KCNQ5: variants seen among roughly 807,000 people sequenced by gnomAD.
KCNQ5 encodes the protein potassium voltage-gated channel subfamily Q member 5.
KCNQ5 carries 30 observed loss-of-function variants against 98.2 expected under a neutral mutation model. That is an observed-to-expected ratio of 0.31 (90% CI 0.23 to 0.41). The LOEUF is 0.41. Among genes scored for constraint, KCNQ5 ranks in the 10% least tolerant of loss-of-function variants. The pLI is 1.00. For synonymous variants in KCNQ5, 458 were observed against 449.4 expected, an observed-to-expected ratio of 1.02 and a Z score of -0.24; for missense variants, 835 against 1,182.5, an observed-to-expected ratio of 0.71 and a Z score of 4.31.
intron 1 of KCNQ5, among the ~76,000 whole-genome samples, chr6:72,852,117 G>C (rs1777286963): frequency 6.6e-6 from 1 of 151,930 alleles, no homozygotes. Flanking sequence ...GAACTCTTTA[G>C]CAATATTAAA....
chr6:72,627,712 A>G (rs1461163893), intron 1 of KCNQ5, among the ~76,000 whole-genome samples: 1 of 152,114 alleles, frequency 6.6e-6, no homozygotes, highest in Non-Finnish European at 1.5e-5. Context: ...GGCATAGACT[A>G]CTATATAGCT....
intron 3 of KCNQ5, among the ~76,000 whole-genome samples, chr6:73,064,267 A>C (rs978458259): frequency 1.3e-5 from 2 of 152,164 alleles, no homozygotes; most frequent in African/African-American, 4.8e-5. Flanking sequence ...AACACTACTA[A>C]ACATAACTGG....
intron 1 of KCNQ5, among the ~76,000 whole-genome samples, chr6:72,847,163 G>A (rs983898531): frequency 3.3e-5 from 5 of 152,002 alleles, no homozygotes; most frequent in African/African-American, 1.2e-4. Context: ...CAATAAAGTT[G>A]TTGTTTTCTT....
At chr6:72,825,509 A>T (rs1775954679) in intron 1 of KCNQ5, among the ~76,000 whole-genome samples, 1 of 152,208 alleles carries the variant, frequency 6.6e-6, no homozygotes, top group Non-Finnish European at 1.5e-5. Flanking sequence ...TGGGAACAGG[A>T]ACAGTTAGCT....
At chr6:72,661,998 C>T (rs1012527070) in intron 1 of KCNQ5, among the ~76,000 whole-genome samples, 4 of 152,012 alleles carry the variant, frequency 2.6e-5, no homozygotes, top group African/African-American at 9.7e-5. Flanking sequence ...TCATGCTTTC[C>T]CATACAACCC....
At chr6:73,127,568 C>T (rs1776042302) in intron 9 of KCNQ5, among the ~76,000 whole-genome samples, 2 of 152,184 alleles carry the variant, frequency 1.3e-5, no homozygotes, top group Admixed American at 6.5e-5. Context: ...AGAGGCTTTT[C>T]TTTCTGCAAC....
chr6:73,034,939 G>A (rs1350545045), intron 2 of KCNQ5, among the ~76,000 whole-genome samples: 3 of 149,908 alleles, frequency 2.0e-5, no homozygotes, highest in East Asian at 4.0e-4. Flanking sequence ...TCCGCCTCCC[G>A]GGTTCACGCC....
At chr6:73,071,191 G>A (rs1773286290) in intron 3 of KCNQ5, among the ~76,000 whole-genome samples, 1 of 152,104 alleles carries the variant, frequency 6.6e-6, no homozygotes, top group Non-Finnish European at 1.5e-5. Context: ...AGATTTACTA[G>A]TACTATTTTT....
chr6:72,961,609 G>A (rs1265957201), intron 1 of KCNQ5, among the ~76,000 whole-genome samples: 2 of 131,756 alleles, frequency 1.5e-5, no homozygotes, highest in East Asian at 2.3e-4. Flanking sequence ...GTGACAGAGC[G>A]AGACTCCGTC....
chr6:72,698,513 G>T lies in KCNQ5; in HGVS notation c.398+75926G>T, dbSNP rs1375518460. ...CCACCGCACCTGGCTTGTTTTGTTT[G>T]TTTGTTTGAATGTTGCAATTATGGG... is the stretch of plus-strand genomic sequence containing the variant. On this transcript the variant is annotated intron_variant, in intron 1 of 13. Coordinates refer to ENST00000370398, the MANE Select transcript of KCNQ5 (RefSeq NM_019842.4). Among the ~76,000 whole-genome samples the T allele has an allele frequency of 2.6e-5, 4 of 151,836 alleles. No homozygotes were observed. The East Asian group carries it at 7.8e-4, about 29-fold the overall frequency.
chr6:72,739,386 T>C (rs899269397), intron 1 of KCNQ5, among the ~76,000 whole-genome samples: 2 of 152,152 alleles, frequency 1.3e-5, no homozygotes, highest in Non-Finnish European at 2.9e-5. Context: ...ATCTGGGGTA[T>C]GCTATGGGGG....
intron 1 of KCNQ5, among the ~76,000 whole-genome samples, chr6:72,740,202 T>C (rs1771058038): frequency 6.6e-6 from 1 of 152,264 alleles, no homozygotes; most frequent in Non-Finnish European, 1.5e-5. Flanking sequence ...CAAAAATATT[T>C]ACTAAGTACT....
At chr6:72,752,785 G>T (rs1207262433) in intron 1 of KCNQ5, among the ~76,000 whole-genome samples, 1 of 152,000 alleles carries the variant, frequency 6.6e-6, no homozygotes, top group Non-Finnish European at 1.5e-5. Flanking sequence ...ATCATATTGT[G>T]TTTCTGATTT....
chr6:72,857,382 A>T (rs1285946819), intron 1 of KCNQ5, among the ~76,000 whole-genome samples: 1 of 152,172 alleles, frequency 6.6e-6, no homozygotes. Context: ...TCCATTGATT[A>T]TTAAGATCAC....
intron 1 of KCNQ5, among the ~76,000 whole-genome samples, chr6:72,732,181 T>C (rs547702215): frequency 6.6e-6 from 1 of 152,226 alleles, no homozygotes; most frequent in South Asian, 2.1e-4. Flanking sequence ...ATATGCAATC[T>C]AGTGTGGAAG....
intron 1 of KCNQ5, among the ~76,000 whole-genome samples, chr6:72,861,368 T>G: frequency 6.6e-6 from 1 of 152,068 alleles, no homozygotes; most frequent in Non-Finnish European, 1.5e-5. Context: ...TTGAAATATG[T>G]AGAAGAAAGA....
chr6:72,849,832 T>C (rs1006646863), intron 1 of KCNQ5, among the ~76,000 whole-genome samples: 14 of 152,114 alleles, frequency 9.2e-5, no homozygotes, highest in African/African-American at 3.4e-4. Flanking sequence ...ATGAATCTTT[T>C]CTCTCTCTAC....
At chr6:73,192,330 C>A (rs781099737) in intron 12 of KCNQ5, among the ~76,000 whole-genome samples, 1 of 152,234 alleles carries the variant, frequency 6.6e-6, no homozygotes, top group Non-Finnish European at 1.5e-5. Flanking sequence ...GACACTTTTA[C>A]TTCCAGAAGA....
At position 73,195,332 on chromosome 6, in the gene KCNQ5, G is replaced by T. The variant is rs143496547; in HGVS notation, c.2717G>T (p.Gly906Val). The T allele has an allele frequency of 2.5e-6, 4 of 1,614,194 alleles. No individual in the cohort carries two copies. The highest frequency in any genetic ancestry group is 2.2e-5 in the East Asian group (1 of 44,888). The change falls in exon 14 of 14, where the codon GGA becomes GTA. Residue 906 changes from glycine (G) to valine (V), a missense_variant. Physicochemically the swap from Gly to Val is moderately radical, Grantham distance 109. Transcript: ENST00000370398. ...AAFASDSLRT[G>V]RSRSSQSICK... ...TTTGCATCAGACTCTCTAAGGACTGGAAGGTCACGATCATCTCAGAGCATT... is the reference window on the plus strand; with the variant it reads ...TTTGCATCAGACTCTCTAAGGACTGTAAGGTCACGATCATCTCAGAGCATT...
Sources: allele counts gnomAD v4.1 joint callset (sites outside exome capture counted in the v4.1 genomes callset), GRCh38; gene constraint gnomAD v4.1.1; transcripts MANE v1.5; gene names NCBI Gene and HGNC (gene_info 2026-07-23, HGNC 2026-07-21).